The following ARID2 variants were observed in gnomAD, a reference collection of about 807,000 sequenced individuals.
The protein encoded by ARID2 is AT-rich interaction domain 2.
Under a neutral mutation model 184.6 loss-of-function variants are expected in ARID2, and 32 were observed. The observed-to-expected ratio is 0.17, with a 90% CI of 0.13 to 0.23. The LOEUF (loss-of-function observed/expected upper bound fraction) is 0.23, where lower values mean the gene tolerates loss of function less well. ARID2 is among the 10% of genes least tolerant of loss of function. ARID2 has a pLI of 1.00. For synonymous variants in ARID2, 836 were observed against 772.6 expected (o/e 1.08, Z -1.36); for missense variants, 1,696 against 2,197.6 (o/e 0.77, Z 4.56).
chr12:45,790,555 A>G (rs1942275647), intron 3 of ARID2, among the ~76,000 whole-genome samples: 1 of 152,140 alleles, frequency 6.6e-6, no homozygotes, highest in South Asian at 2.1e-4. Context: ...CTAGATACTT[A>G]ATTGTATGTT....
At chr12:45,766,707 G>A (rs1314677693) in intron 3 of ARID2, among the ~76,000 whole-genome samples, 1 of 151,828 alleles carries the variant, frequency 6.6e-6, no homozygotes, top group Admixed American at 6.6e-5. Context: ...GTAGGGACAG[G>A]GTTTCACCGT....
At chr12:45,772,693 A>C (rs1428967997) in intron 3 of ARID2, among the ~76,000 whole-genome samples, 1 of 152,254 alleles carries the variant, frequency 6.6e-6, no homozygotes. Context: ...CAGTTCATTA[A>C]GAAGACATAA....
intron 3 of ARID2, among the ~76,000 whole-genome samples, chr12:45,758,387 T>G (rs1212040441): frequency 6.6e-6 from 1 of 152,120 alleles, no homozygotes; most frequent in Non-Finnish European, 1.5e-5. Context: ...ATTTTTTTTT[T>G]GTGCGACTTT....
At chr12:45,830,331 G>A (rs1943091312) in intron 6 of ARID2, among the ~76,000 whole-genome samples, 1 of 152,080 alleles carries the variant, frequency 6.6e-6, no homozygotes, top group African/African-American at 2.4e-5. Context: ...GGTTCAGAAT[G>A]ACTGTATTAA....
In ARID2 at chr12:45,852,080, C is replaced by T. The variant is rs777358580; in HGVS notation, c.3957C>T (p.Cys1319=). ...AAATTCAAAGTGAGACTAATCAGTG[C>T]TCACTAATCAGTAATGGGCCATCAT... ...SGKIQSETNQ[C]SLISNGPSLE... The change falls in exon 15 of 21, where the codon TGC becomes TGT. Residue 1319 remains cysteine, a synonymous_variant. Coordinates refer to ENST00000334344, the MANE Select transcript of ARID2 (RefSeq NM_152641.4). 5 of 1,613,962 alleles carry T rather than the reference C, an allele frequency of 3.1e-6. No individual in the cohort carries two copies. The highest frequency in any genetic ancestry group is 1.3e-5 in the African/African-American group (1 of 74,912).
intron 6 of ARID2, among the ~76,000 whole-genome samples, chr12:45,830,798 C>T (rs1418332548): frequency 1.3e-5 from 2 of 151,908 alleles, no homozygotes; most frequent in African/African-American, 4.8e-5. Flanking sequence ...GCCTATAATC[C>T]CAACACTTTG....
At chr12:45,772,019 G>GAA (rs1472059819) in intron 3 of ARID2, among the ~76,000 whole-genome samples, 3 of 152,180 alleles carry the variant, frequency 2.0e-5, no homozygotes, top group Admixed American at 6.5e-5. Context: ...GAGCTATATA[G>GAA]GAGTAACATC....
At chr12:45,844,431 TATC>T (rs1216692942) in intron 11 of ARID2, among the ~76,000 whole-genome samples, 3 of 152,230 alleles carry the variant, frequency 2.0e-5, no homozygotes, top group African/African-American at 7.2e-5. Flanking sequence ...TAAGCAGAAT[TATC>T]ATTACTCTAC....
intron 12 of ARID2, among the ~76,000 whole-genome samples, chr12:45,847,940 C>T (rs946861381): frequency 4.6e-5 from 7 of 151,846 alleles, no homozygotes; most frequent in African/African-American, 1.7e-4. Flanking sequence ...GTTTTTATAT[C>T]TAGTCTTTTT....
intron 6 of ARID2, among the ~76,000 whole-genome samples, chr12:45,822,859 C>T (rs1374586786): frequency 6.6e-6 from 1 of 152,042 alleles, no homozygotes; most frequent in Non-Finnish European, 1.5e-5. Context: ...AAAAGAGACC[C>T]CAATACAATT....
rs572577012 is a variant in ARID2 at position 45,867,229 on chromosome 12, A to G, written c.4922+6280A>G. The stretch of plus-strand genomic sequence containing the variant: ...CTCCCAAAGTGCTGGGATTACAGGC[A>G]TGAGCCACTGCACCCAGCCTGTTGT... On this transcript the variant is annotated intron_variant, in intron 16 of 20. Transcript: ENST00000334344. Among the ~76,000 whole-genome samples the G allele has an allele frequency of 7.1e-3, 1,068 of 150,000 alleles. 10 individuals are homozygous for G. Among genetic ancestry groups the G allele is most frequent in the African/African-American group, 0.025 (1,008 of 40,972 alleles).
In ARID2 at chr12:45,817,891, A is replaced by G; in HGVS notation, c.637+3A>G. On this transcript the variant is annotated splice_donor_region_variant and intron_variant, in intron 5 of 20. Coordinates refer to ENST00000334344, the MANE Select transcript of ARID2 (RefSeq NM_152641.4). Reference sequence around the variant, plus strand: ...TAATGCCGGGGTGTTTGACGACAGTAAGTTTTAAGCTGAATGTATTATATA... The same window carrying G: ...TAATGCCGGGGTGTTTGACGACAGTGAGTTTTAAGCTGAATGTATTATATA... 6.2e-7 allele frequency: 1 copy of G among 1,610,296 alleles called. No individual in the cohort carries two copies. The highest frequency in any genetic ancestry group is 8.5e-7 in the Non-Finnish European group (1 of 1,178,422).
At chr12:45,835,532 C>T (rs774672836) in intron 6 of ARID2, among the ~76,000 whole-genome samples, 5 of 151,850 alleles carry the variant, frequency 3.3e-5, no homozygotes, top group Admixed American at 6.6e-5. Flanking sequence ...GAAATATACA[C>T]ATAATGTCAC....
intron 16 of ARID2, among the ~76,000 whole-genome samples, chr12:45,877,695 A>G (rs1289043653): frequency 6.6e-6 from 1 of 152,076 alleles, no homozygotes; most frequent in African/African-American, 2.4e-5. Flanking sequence ...TCCTTTACAT[A>G]CTGTCACTCA....
At chr12:45,767,350 A>G (rs1293041802) in intron 3 of ARID2, among the ~76,000 whole-genome samples, 1 of 152,194 alleles carries the variant, frequency 6.6e-6, no homozygotes, top group Non-Finnish European at 1.5e-5. Flanking sequence ...TTTCTCGTGA[A>G]AAAAGGAAGA....
At chr12:45,743,104 A>C (rs1003110328) in intron 3 of ARID2, among the ~76,000 whole-genome samples, 1 of 152,092 alleles carries the variant, frequency 6.6e-6, no homozygotes, top group Non-Finnish European at 1.5e-5. Context: ...CTGTAATCCC[A>C]GCACTTTGGA....
At chr12:45,858,549 TCCCAAACTAAA>T (rs775225743) in intron 15 of ARID2, among the ~76,000 whole-genome samples, 2 of 152,242 alleles carry the variant, frequency 1.3e-5, no homozygotes, top group Non-Finnish European at 2.9e-5. Context: ...CTGTCATTAT[TCCCAAACTAAA>T]CCGATCATCT....
In ARID2 at chr12:45,852,735, A is replaced by G. The variant is rs1176843459; in HGVS notation, c.4612A>G (p.Ile1538Val). The G allele has an allele frequency of 6.2e-7, 1 of 1,614,174 alleles. No individual in the cohort carries two copies. The highest frequency in any genetic ancestry group is 1.7e-5 in the Admixed American group (1 of 60,012). Residue 1538 changes from isoleucine to valine, a missense_variant, in exon 15 of 21, where the codon ATT (isoleucine) becomes GTT (valine). Transcript: ENST00000334344. The stretch of plus-strand genomic sequence containing the variant: ...AATTCCAAATAAAGTAGGAGTTAGA[A>G]TTGTTACAATCAGTGACCCCAACAA... The part of the protein sequence containing the change: ...AGIPNKVGVR[I>V]VTISDPNNAG...
chr12:45,831,712 AGTT>A (rs1278473336), intron 6 of ARID2, among the ~76,000 whole-genome samples: 5 of 152,150 alleles, frequency 3.3e-5, no homozygotes, highest in Admixed American at 3.3e-4. Flanking sequence ...AGTTCAGTTC[AGTT>A]GTTCTACAAT....
Sources: gnomAD v4.1 joint callset for allele counts (sites outside exome capture counted in the v4.1 genomes callset) on GRCh38, gnomAD v4.1.1 for gene constraint, MANE v1.5 for transcripts, NCBI Gene and HGNC (gene_info 2026-07-23, HGNC 2026-07-21) for gene names.